The following PIEZO1 variants were observed in gnomAD, a reference collection of about 807,000 sequenced individuals.
PIEZO1 encodes the protein piezo type mechanosensitive ion channel component 1 (Er blood group), also known as piezo-type mechanosensitive ion channel component 1.
PIEZO1 carries 296 observed loss-of-function variants against 297.2 expected under a neutral mutation model. The observed-to-expected ratio is 1.00, with a 90% CI of 0.91 to 1.10. The LOEUF is 1.10. Among genes scored for constraint, PIEZO1 ranks in the 50% least tolerant of loss-of-function variants. PIEZO1 has a pLI of 0.00. For synonymous variants in PIEZO1, 2,427 were observed against 1,507.5 expected, an observed-to-expected ratio of 1.61 and a Z score of -14.13; for missense variants, 5,018 against 3,455.5, an observed-to-expected ratio of 1.45 and a Z score of -11.34.
chr16:88,746,516 C>A (rs780702544), intron 2 of PIEZO1, among the ~76,000 whole-genome samples: 1 of 152,316 alleles, frequency 6.6e-6, no homozygotes, highest in East Asian at 1.9e-4. Context: ...CTCCAGCCCC[C>A]CAAGGATCAG....
At chr16:88,741,667 T>C in intron 4 of PIEZO1, 51 bp from the exon 5 acceptor site, 1 of 1,512,182 alleles carries the variant, frequency 6.6e-7, no homozygotes, top group Non-Finnish European at 8.8e-7. Flanking sequence ...CAGGTGTGGG[T>C]GTGAGTGTGG....
At chr16:88,742,610 C>A (rs1017808763) in intron 2 of PIEZO1, among the ~76,000 whole-genome samples, 188 bp from the exon 3 acceptor site, 17 of 152,194 alleles carry the variant, frequency 1.1e-4, no homozygotes, top group African/African-American at 3.9e-4. Context: ...GAGGGTCACT[C>A]TTGTCACAAG....
At chr16:88,740,561 T>G in intron 5 of PIEZO1, 1 of 152,584 alleles carries the variant, frequency 6.6e-6, no homozygotes, top group Middle Eastern at 3.3e-3. Context: ...TTCCCACTTC[T>G]GAAATGCGGG....
intron 45 of PIEZO1, 34 bp from the exon 46 acceptor site, chr16:88,716,932 A>T: frequency 6.5e-7 from 1 of 1,547,852 alleles, no homozygotes; most frequent in East Asian, 2.4e-5. Context: ...GGCCACGAAG[A>T]TGAGCGTGGA....
At chr16:88,753,755 AGCTGTGACTTT>A (rs1906516490) in intron 1 of PIEZO1, among the ~76,000 whole-genome samples, 1 of 152,200 alleles carries the variant, frequency 6.6e-6, no homozygotes, top group Non-Finnish European at 1.5e-5. Flanking sequence ...ATGTGGCCTC[AGCTGTGACTTT>A]GTGGGCTAAA....
rs1248979393 is a variant in PIEZO1, at chr16:88,737,999, G to A, written c.955C>T (p.Leu319Phe). 1 of 1,535,428 alleles carries A rather than the reference G, an allele frequency of 6.5e-7. No homozygotes were observed. Among genetic ancestry groups the A allele is most frequent in the Middle Eastern group, 1.7e-4 (1 of 5,990 alleles). ...GCCGTGGCGTAGCACAGCAGCAGGA[G>A]GACGCCGGGGCTGGCATACACAGGC... ...DWPVYASPGV[L>F]LLLCYATASL... is the part of the protein sequence containing the mutation. Residue 319 changes from leucine (L) to phenylalanine (F), a missense_variant, in exon 8 of 51, where the codon CTC becomes TTC. By Grantham distance (22) the Leu-to-Phe change is conservative. Transcript: ENST00000301015.
chr16:88,736,738 C>T lies in PIEZO1; in HGVS notation c.1197G>A (p.Val399=), dbSNP rs1286658231. The T allele has an allele frequency of 1.3e-6, 2 of 1,524,134 alleles. No individual in the cohort carries two copies. Among genetic ancestry groups the T allele is most frequent in the Non-Finnish European group, 1.8e-6 (2 of 1,139,676 alleles). 94.4% of individuals were successfully genotyped at this position (1,524,134 alleles called of 1,614,324 possible). A position where few individuals can be genotyped will look rare whatever the true frequency, so the allele number is the denominator to read the frequency against. ...TGQSSVLRRP[V]RPKRAEPREA... ...CCCTGGGCTCAGCCCGCTTGGGCCG[C>T]ACTGCAGGTGGGGACAGCGGTCAGC... The change falls in exon 11 of 51, where the codon GTG becomes GTA. Residue 399 remains valine, a splice_region_variant and synonymous_variant. Transcript: ENST00000301015.
chr16:88,784,812 G>A (rs1047273390), intron 1 of PIEZO1, 89 bp downstream of exon 1: 2 of 974,146 alleles, frequency 2.1e-6, no homozygotes, highest in South Asian at 1.9e-5. Context: ...CGCAGCCCTC[G>A]CCCCGGCCGG....
At chr16:88,739,940 A>G (rs10775348) in intron 5 of PIEZO1, 119,011 of 152,314 alleles carry the variant, frequency 0.78, 46,986 homozygotes, top group East Asian at 0.94. Flanking sequence ...AGCTGCTGTG[A>G]GAGAACAGGT....
intron 23 of PIEZO1, 78 bp downstream of exon 23, chr16:88,727,477 GCA>G: frequency 1.5e-6 from 1 of 668,332 alleles, no homozygotes; most frequent in East Asian, 2.8e-5. Context: ...ACGCCTGTGT[GCA>G]CACTTGTGAG....
chr16:88,736,341 G>C lies in PIEZO1; in HGVS notation c.1364C>G (p.Thr455Arg), dbSNP rs184704952. The C allele has an allele frequency of 2.6e-6, 4 of 1,550,032 alleles. No homozygotes were observed. The East Asian group carries it at 7.3e-5, about 28-fold the overall frequency. ...VLLLWACLIW[T>R]VRSRHQLAML... ...GGCCAGTTGGTGGCGGCTGCGCACCGTCCAGATGAGGCAGGCCCAGAGCAG... is the reference window on the plus strand; with the variant it reads ...GGCCAGTTGGTGGCGGCTGCGCACCCTCCAGATGAGGCAGGCCCAGAGCAG... The change falls in exon 12 of 51, where the codon ACG (threonine) becomes AGG (arginine). Residue 455 changes from threonine to arginine, a missense_variant. Physicochemically the swap from Thr to Arg is moderately conservative, Grantham distance 71 (BLOSUM62 -1). Coordinates refer to ENST00000301015, the MANE Select transcript of PIEZO1 (RefSeq NM_001142864.4).
rs951572334 is a variant in PIEZO1, at chr16:88,716,441, C to T, written c.6969G>A (p.Lys2323=). 5.8e-6 allele frequency: 9 copies of T among 1,549,668 alleles called. No individual in the cohort carries two copies. The Admixed American group carries it at 1.6e-4, about 27-fold the overall frequency. Residue 2323 remains lysine (K), a synonymous_variant, in exon 48 of 51, where the codon AAG becomes AAA. Transcript: ENST00000301015. ...KGGTVEYANE[K]HMLALAPNST... Reference sequence around the variant, plus strand: ...TGTTGGGGGCCAGGGCCAGCATGTGCTTCTCGTTGGCATACTCCACAGTGC... The same window carrying T: ...TGTTGGGGGCCAGGGCCAGCATGTGTTTCTCGTTGGCATACTCCACAGTGC...
Position 88,722,974 on chromosome 16 carries a change from C to T in PIEZO1, c.4531G>A (p.Ala1511Thr). 1 of 1,548,638 alleles carries T rather than the reference C, an allele frequency of 6.5e-7. No homozygotes were observed. ...TGCCCCAGCATCCACAGGAACTGCG[C>T]CGTGCTCAGCACCCTCTGCACCACA... is the stretch of plus-strand genomic sequence containing the variant. The part of the protein sequence containing the change: ...SHVVQRVLST[A>T]QFLWMLGQAL... The change falls in exon 34 of 51, where the codon GCG becomes ACG. Residue 1511 changes from alanine (A) to threonine (T), a missense_variant. Ala to Thr is a moderately conservative substitution (Grantham distance 58). Coordinates refer to ENST00000301015, the MANE Select transcript of PIEZO1 (RefSeq NM_001142864.4).
At chr16:88,726,162 C>T (rs1904408411) in intron 27 of PIEZO1, 122 bp downstream of exon 27, 1 of 763,018 alleles carries the variant, frequency 1.3e-6, no homozygotes, top group Non-Finnish European at 2.1e-6. Flanking sequence ...ATGACACGCC[C>T]ATGTCACAGA....
intron 12 of PIEZO1, among the ~76,000 whole-genome samples, chr16:88,735,523 A>G (rs1297882548): frequency 1.3e-5 from 2 of 152,274 alleles, no homozygotes; most frequent in Non-Finnish European, 1.5e-5. Flanking sequence ...GTGGGCACAG[A>G]TCCATGCACG....
intron 1 of PIEZO1, among the ~76,000 whole-genome samples, chr16:88,772,282 C>G (rs1168382834): frequency 1.3e-5 from 2 of 152,240 alleles, no homozygotes; most frequent in African/African-American, 4.8e-5. Flanking sequence ...GAATCCCAGA[C>G]GTATCATGGC....
Position 88,733,444 on chromosome 16 carries a change from A to G in PIEZO1, c.2498T>C (p.Met833Thr), listed in dbSNP as rs111850392. Residue 833 changes from methionine to threonine, a missense_variant, in exon 19 of 51, where the codon ATG becomes ACG. Met to Thr is a moderately conservative substitution (Grantham distance 81). Coordinates refer to ENST00000301015, the MANE Select transcript of PIEZO1 (RefSeq NM_001142864.4). The stretch of plus-strand genomic sequence containing the variant: ...CCACAGCACCACCAGCAGCAGGTTC[A>G]TCACCGACACCTGAGGGCAGTGGGC... Reference protein sequence around the residue: ...VWVALKEVSVMNLLLVVLWAF... With the variant: ...VWVALKEVSVTNLLLVVLWAF... The G allele has an allele frequency of 6.5e-7, 1 of 1,548,726 alleles. No individual in the cohort carries two copies. Among genetic ancestry groups the G allele is most frequent in the Non-Finnish European group, 8.7e-7 (1 of 1,145,920 alleles).
chr16:88,730,991 CCT>C (rs1198858533), intron 22 of PIEZO1, among the ~76,000 whole-genome samples: 5 of 151,472 alleles, frequency 3.3e-5, no homozygotes, highest in East Asian at 1.9e-4. Context: ...GTGGGACGCC[CCT>C]GAGCCGGCCA....
Position 88,717,173 on chromosome 16 carries a change from G to T in PIEZO1, c.6510C>A (p.Ile2170=), listed in dbSNP as rs560731397. The change falls in exon 45 of 51, where the codon ATC becomes ATA. Residue 2170 remains isoleucine, a synonymous_variant. Transcript: ENST00000301015. The part of the protein sequence containing the change: ...PQPKGQKKKK[I]VKYGMGGLII... ...TGAGGCCACCCATGCCGTACTTGACGATCTTCTTCTTCTTCTGCCCTTTGG... is the reference window on the plus strand; with the variant it reads ...TGAGGCCACCCATGCCGTACTTGACTATCTTCTTCTTCTTCTGCCCTTTGG... 3 of 1,550,504 alleles carry T rather than the reference G, an allele frequency of 1.9e-6. No homozygotes were observed. The highest frequency in any genetic ancestry group is 1.4e-5 in the African/African-American group (1 of 73,060).
Sources: gnomAD v4.1 joint callset for allele counts (sites outside exome capture counted in the v4.1 genomes callset) on GRCh38, gnomAD v4.1.1 for gene constraint, MANE v1.5 for transcripts, NCBI Gene and HGNC (gene_info 2026-07-23, HGNC 2026-07-21) for gene names.